The following CAMTA1 variants were observed in gnomAD, a reference collection of about 807,000 sequenced individuals.
CAMTA1 encodes calmodulin binding transcription activator 1, also known as calmodulin-binding transcription activator 1.
Under a neutral mutation model 170.9 loss-of-function variants are expected in CAMTA1, and 27 were observed. The ratio of observed to expected loss-of-function variants is 0.16; its 90% CI spans 0.12 to 0.22. The LOEUF is 0.22. Ranked by LOEUF, CAMTA1 falls within the 10% of genes least tolerant of loss-of-function variation. The pLI is 1.00. For missense variants in CAMTA1, 1,619 were observed against 2,217.2 expected (o/e 0.73, Z 5.42); for synonymous variants, 833 against 891.5 (o/e 0.93, Z 1.17).
In CAMTA1 at chr1:7,385,773, G is replaced by A. The variant is rs552362880; in HGVS notation, c.439-82057G>A. On this transcript the variant is annotated intron_variant, in intron 5 of 22. Coordinates refer to ENST00000303635, the MANE Select transcript of CAMTA1 (RefSeq NM_015215.4). ...CCCCAGCACTTTCTCCCAAAGCTCA[G>A]CTCTCACCACCCACTGCTAGCCACT... Among the ~76,000 whole-genome samples the A allele has an allele frequency of 2.6e-5, 4 of 152,346 alleles. No individual in the cohort carries two copies. The South Asian group carries it at 8.3e-4, about 32-fold the overall frequency.
At chr1:6,895,448 C>A (rs1429486797) in intron 3 of CAMTA1, among the ~76,000 whole-genome samples, 3 of 152,192 alleles carry the variant, frequency 2.0e-5, no homozygotes, top group Non-Finnish European at 4.4e-5. Context: ...CTTCATGTCT[C>A]CAGTTTGCTC....
intron 6 of CAMTA1, among the ~76,000 whole-genome samples, chr1:7,623,603 A>G (rs764824451): frequency 6.6e-6 from 1 of 152,216 alleles, no homozygotes; most frequent in Non-Finnish European, 1.5e-5. Flanking sequence ...GGTTCAAGGG[A>G]TTCTCCTGCC....
At chr1:7,731,007 C>T (rs1022715553) in intron 11 of CAMTA1, among the ~76,000 whole-genome samples, 16 of 151,468 alleles carry the variant, frequency 1.1e-4, no homozygotes, top group African/African-American at 3.6e-4. Flanking sequence ...ATGAAGCGAG[C>T]GTGGGCATGA....
chr1:7,450,039 A>G (rs2092785118), intron 5 of CAMTA1, among the ~76,000 whole-genome samples: 1 of 151,998 alleles, frequency 6.6e-6, no homozygotes, highest in Middle Eastern at 3.2e-3. Context: ...CTGCTTGGAG[A>G]GATGAGGCCC....
chr1:7,184,214 T>G (rs988140843), intron 4 of CAMTA1, among the ~76,000 whole-genome samples: 1 of 152,096 alleles, frequency 6.6e-6, no homozygotes, highest in African/African-American at 2.4e-5. Flanking sequence ...AGGAGGATGG[T>G]TACCAGAAAC....
rs2096098334 is a variant in CAMTA1, at chr1:7,674,845, T to C, written c.2780-2754T>C. Among the ~76,000 whole-genome samples the C allele has an allele frequency of 6.6e-6, 1 of 152,182 alleles. No homozygotes were observed. The highest frequency in any genetic ancestry group is 1.5e-5 in the Non-Finnish European group (1 of 68,030). ...TAGAATTGGGTTTCAAAACAATTCA[T>C]TCAACAAATAGTTACTGAGCCGCCA... On this transcript the variant is annotated intron_variant, in intron 10 of 22. Transcript: ENST00000303635. This position sits in a 1 kb window ranked among gnomAD's most constrained non-coding sequence, Gnocchi z 4.1.
At position 7,644,625 on chromosome 1, in the gene CAMTA1, A is replaced by G. The variant is rs1007891665; in HGVS notation, c.664+4072A>G. 4.6e-5 allele frequency among the ~76,000 whole-genome samples: 7 copies of G among 152,198 alleles called. No individual in the cohort carries two copies. In the South Asian group the frequency reaches 1.4e-3, roughly 32 times the overall value. ...TGGCTACTCCAGCTCCTGCCATTGC[A>G]ACTGCATTCCAACCAGTGGAAAGAG... On this transcript the variant is annotated intron_variant, in intron 7 of 22. Transcript: ENST00000303635.
At chr1:7,281,799 T>TTGTGTGTGTGTG (rs57489369) in intron 5 of CAMTA1, among the ~76,000 whole-genome samples, 4 of 139,218 alleles carry the variant, frequency 2.9e-5, no homozygotes, top group South Asian at 2.5e-4. Context: ...GGGAAAGAAA[T>TTGTGTGTGTGTG]TGTGTGTGTG....
At chr1:7,102,530 G>A (rs1201952950) in intron 4 of CAMTA1, among the ~76,000 whole-genome samples, 2 of 152,236 alleles carry the variant, frequency 1.3e-5, no homozygotes, top group Admixed American at 6.5e-5. Flanking sequence ...TCAGCCCACT[G>A]TCAGGTCTGG....
intron 3 of CAMTA1, among the ~76,000 whole-genome samples, chr1:6,914,008 TG>T (rs1231586593): frequency 6.6e-6 from 1 of 151,888 alleles, no homozygotes; most frequent in Admixed American, 6.6e-5. Context: ...TTTGGGACAC[TG>T]GGCACAAACA....
intron 3 of CAMTA1, among the ~76,000 whole-genome samples, chr1:7,036,281 AATC>A (rs769819610): frequency 1.8e-4 from 28 of 152,168 alleles, no homozygotes; most frequent in Non-Finnish European, 3.2e-4. Context: ...AGTCTTCCAT[AATC>A]ATCATCATCA....
intron 3 of CAMTA1, among the ~76,000 whole-genome samples, chr1:6,841,682 C>T (rs904918740): frequency 6.6e-6 from 1 of 152,024 alleles, no homozygotes; most frequent in Non-Finnish European, 1.5e-5. Flanking sequence ...AACAGAGGTT[C>T]AGGGACGACT....
chr1:7,675,631 C>T (rs538091353), intron 10 of CAMTA1, among the ~76,000 whole-genome samples: 17 of 152,272 alleles, frequency 1.1e-4, no homozygotes, highest in African/African-American at 3.9e-4. Flanking sequence ...CGACACCCTC[C>T]CAGCAGGAGC....
intron 5 of CAMTA1, among the ~76,000 whole-genome samples, chr1:7,383,315 T>C (rs2087562192): frequency 6.6e-6 from 1 of 151,892 alleles, no homozygotes; most frequent in Admixed American, 6.5e-5. Flanking sequence ...ACTGAACATT[T>C]CTCTGTGCAC....
intron 5 of CAMTA1, among the ~76,000 whole-genome samples, chr1:7,436,527 G>A (rs1178836268): frequency 6.6e-6 from 1 of 152,120 alleles, no homozygotes; most frequent in Non-Finnish European, 1.5e-5. Context: ...CCCTCTGCCT[G>A]CAGACCACAG....
At chr1:7,551,465 C>T (rs539242660) in intron 6 of CAMTA1, among the ~76,000 whole-genome samples, 8 of 152,322 alleles carry the variant, frequency 5.3e-5, no homozygotes, top group African/African-American at 1.7e-4. Context: ...TCTCTCCATT[C>T]GTAACAGAGC....
intron 4 of CAMTA1, among the ~76,000 whole-genome samples, chr1:7,178,455 G>A (rs957787935): frequency 1.2e-4 from 18 of 152,180 alleles, no homozygotes; most frequent in Non-Finnish European, 2.5e-4. Flanking sequence ...AAGGGAGCAT[G>A]TGTTAATGGT....
intron 1 of CAMTA1, among the ~76,000 whole-genome samples, chr1:6,815,952 A>C (rs1436837692): frequency 6.6e-6 from 1 of 152,142 alleles, no homozygotes; most frequent in African/African-American, 2.4e-5. Context: ...GAAGTCAGAG[A>C]GTTGCCCAGT....
intron 1 of CAMTA1, among the ~76,000 whole-genome samples, chr1:6,799,241 T>G (rs2148173204): frequency 6.6e-6 from 1 of 152,276 alleles, no homozygotes; most frequent in South Asian, 2.1e-4. Flanking sequence ...CTAATTCTTT[T>G]TTAATTTTAT....
Sources: allele counts gnomAD v4.1 joint callset (sites outside exome capture counted in the v4.1 genomes callset), GRCh38; gene constraint gnomAD v4.1.1; non-coding constraint Gnocchi (gnomAD v3.1); transcripts MANE v1.5; gene names NCBI Gene and HGNC (gene_info 2026-07-23, HGNC 2026-07-21).